The following CFAP47 variants were observed in gnomAD, a reference collection of about 807,000 sequenced individuals.
CFAP47 encodes the protein cilia- and flagella-associated protein 47.
CFAP47 carries 29 observed loss-of-function variants against 148.1 expected under a neutral mutation model. The observed-to-expected ratio is 0.20, with a 90% CI of 0.15 to 0.27. CFAP47 has a LOEUF of 0.27. Among genes scored for constraint, CFAP47 ranks in the 10% least tolerant of loss-of-function variants. The pLI is 1.00. For synonymous variants in CFAP47, 664 were observed against 577.3 expected, an observed-to-expected ratio of 1.15 and a Z score of -2.15; for missense variants, 1,872 against 1,697.5, an observed-to-expected ratio of 1.10 and a Z score of -1.81.
intron 35 of CFAP47, among the ~76,000 whole-genome samples, chrX:36,138,665 A>C: frequency 9.0e-6 from 1 of 111,198 alleles, no homozygotes; most frequent in Non-Finnish European, 1.9e-5. Flanking sequence ...AATTATATAC[A>C]TCCAGCTGTG....
chrX:36,352,955 TAAAAG>T (rs1160523862), intron 59 of CFAP47, among the ~76,000 whole-genome samples: 1 of 107,954 alleles, frequency 9.3e-6, no homozygotes, highest in East Asian at 2.9e-4. Flanking sequence ...TTTATAAACT[TAAAAG>T]TAAATCAAAA....
At chrX:35,924,064 CAT>C in intron 1 of CFAP47, among the ~76,000 whole-genome samples, 1 of 84,562 alleles carries the variant, frequency 1.2e-5, no homozygotes, top group East Asian at 4.3e-4. Context: ...TGTATGCGCA[CAT>C]ATATGTATAT....
chrX:36,049,413 A>G (rs746047974), intron 26 of CFAP47, among the ~76,000 whole-genome samples: 63 of 109,526 alleles, frequency 5.8e-4, no homozygotes, highest in Non-Finnish European at 1.1e-3. Context: ...ACACTACTAT[A>G]TGTCATATAT....
At chrX:36,055,695 G>A (rs762170235) in intron 26 of CFAP47, among the ~76,000 whole-genome samples, 1 of 112,165 alleles carries the variant, frequency 8.9e-6, no homozygotes, top group Admixed American at 9.4e-5. Flanking sequence ...CCAGTAATGG[G>A]ATTGCTGCAT....
intron 33 of CFAP47, among the ~76,000 whole-genome samples, chrX:36,116,653 A>C (rs5973578): frequency 0.058 from 6,494 of 111,191 alleles, 513 homozygotes; most frequent in African/African-American, 0.2. Flanking sequence ...GTATATATTT[A>C]TGGGTTACAT....
At chrX:36,351,354 A>G (rs1348074417) in intron 59 of CFAP47, among the ~76,000 whole-genome samples, 1 of 111,939 alleles carries the variant, frequency 8.9e-6, no homozygotes, top group Non-Finnish European at 1.9e-5. Flanking sequence ...AATTTATTTT[A>G]TTTCCTTCCA....
At position 36,137,976 on chromosome X, in the gene CFAP47, G is replaced by C. The variant is rs1328116308; in HGVS notation, c.5339G>C (p.Arg1780Thr). The change falls in exon 34 of 64, where the codon AGA becomes ACA. Residue 1780 changes from arginine (R) to threonine (T), a missense_variant. Physicochemically the swap from Arg to Thr is moderately conservative, Grantham distance 71 (BLOSUM62 -1). Transcript: ENST00000378653. ...NCHKDVIPSE[R>T]WIVNFDKDLS... ...GAAACAGATGTTATCCCTTCTGAGA[G>C]ATGGATAGTAAATTTTGACAAAGAC... The C allele has an allele frequency of 2.5e-6, 2 of 791,235 alleles. No homozygotes were observed. The allele number at this position is 791,235 out of a possible 1,213,427, so 65.2% of individuals were successfully genotyped here. A position where few individuals can be genotyped will look rare whatever the true frequency, so the allele number is the denominator to read the frequency against.
At chrX:36,047,133 G>A in intron 26 of CFAP47, 70 bp downstream of exon 26, 3 of 708,532 alleles carry the variant, frequency 4.2e-6, no homozygotes, top group Non-Finnish European at 6.2e-6. Flanking sequence ...TTTACACCAT[G>A]GTAAAATGTT....
chrX:36,144,877 G>T, intron 35 of CFAP47: 1 of 977,758 alleles, frequency 1.0e-6, no homozygotes, highest in South Asian at 2.1e-5. Flanking sequence ...TTCAGCCTTC[G>T]GCCTCAGAAT....
chrX:36,241,024 A>G (rs1227188139), intron 48 of CFAP47, among the ~76,000 whole-genome samples: 1 of 110,164 alleles, frequency 9.1e-6, no homozygotes, highest in African/African-American at 3.3e-5. Context: ...TTGAGAGGCA[A>G]CTCAGACTCT....
At chrX:36,227,514 T>TAATGTTCTTGCATAG (rs1178254207) in intron 45 of CFAP47, among the ~76,000 whole-genome samples, 18 of 102,380 alleles carry the variant, frequency 1.8e-4, no homozygotes, top group Non-Finnish European at 2.6e-4. Context: ...TTAGGGTAGT[T>TAATGTTCTTGCATAG]AATGTTCTTG....
At chrX:36,233,318 A>G (rs1432950898) in intron 46 of CFAP47, among the ~76,000 whole-genome samples, 2 of 111,714 alleles carry the variant, frequency 1.8e-5, no homozygotes, top group Non-Finnish European at 3.8e-5. Context: ...GTGCATATAT[A>G]TTTAGGATAG....
chrX:36,249,193 A>G (rs2037223824), intron 48 of CFAP47, among the ~76,000 whole-genome samples: 1 of 110,329 alleles, frequency 9.1e-6, no homozygotes, highest in East Asian at 2.9e-4. Context: ...GTAGAGTGAA[A>G]TAAAATGATA....
intron 31 of CFAP47, among the ~76,000 whole-genome samples, chrX:36,099,406 C>A (rs1326083119): frequency 9.2e-6 from 1 of 109,213 alleles, no homozygotes; most frequent in Non-Finnish European, 1.9e-5. Flanking sequence ...GAGTAGAGAA[C>A]CAGGTGCCTG....
chrX:36,341,736 C>T (rs782144671), intron 57 of CFAP47, among the ~76,000 whole-genome samples: 1 of 109,819 alleles, frequency 9.1e-6, no homozygotes, highest in African/African-American at 3.3e-5. Flanking sequence ...AAGCAAAGCA[C>T]AAATAATAAT....
intron 20 of CFAP47, among the ~76,000 whole-genome samples, chrX:36,000,769 T>G (rs1022203203): frequency 1.8e-5 from 2 of 111,748 alleles, no homozygotes; most frequent in African/African-American, 3.2e-5. Flanking sequence ...ATAAATGTCT[T>G]TGGGGAGCTA....
chrX:36,122,743 C>CTATTTTGAA (rs1233269105), intron 33 of CFAP47, among the ~76,000 whole-genome samples: 1 of 111,721 alleles, frequency 9.0e-6, no homozygotes, highest in Non-Finnish European at 1.9e-5. Flanking sequence ...CTCAAAGCAT[C>CTATTTTGAA]TATTTTGAAT....
chrX:36,322,930 G>C (rs1860574004), intron 57 of CFAP47, among the ~76,000 whole-genome samples: 1 of 110,759 alleles, frequency 9.0e-6, no homozygotes, highest in African/African-American at 3.3e-5. Flanking sequence ...CTTATTTGAG[G>C]AACATAAAAC....
At chrX:36,248,460 G>A (rs1002911831) in intron 48 of CFAP47, among the ~76,000 whole-genome samples, 3 of 99,487 alleles carry the variant, frequency 3.0e-5, no homozygotes, top group East Asian at 6.1e-4. Context: ...CATAAAGAAA[G>A]CATAGAAAAG....
Sources: allele counts gnomAD v4.1 joint callset (sites outside exome capture counted in the v4.1 genomes callset), GRCh38; gene constraint gnomAD v4.1.1; transcripts MANE v1.5; gene names NCBI Gene and HGNC (gene_info 2026-07-23, HGNC 2026-07-21).